Variants in FIBCD1 observed in about 807,000 individuals in gnomAD.
FIBCD1 encodes fibrinogen C domain containing 1.
Under a neutral mutation model 45.1 loss-of-function variants are expected in FIBCD1, and 47 were observed. The ratio of observed to expected loss-of-function variants is 1.04; its 90% CI spans 0.82 to 1.33. The LOEUF (loss-of-function observed/expected upper bound fraction) is 1.33. FIBCD1 is among the 40% of genes most tolerant of loss of function. FIBCD1 has a pLI of 0.00. For synonymous variants in FIBCD1, 313 were observed against 308.1 expected, an observed-to-expected ratio of 1.02 and a Z score of -0.17; for missense variants, 653 against 682.2, an observed-to-expected ratio of 0.96 and a Z score of 0.48.
At chr9:130,933,727 T>TGGGGGGGGGGGGGGGG (rs1179362614) in intron 1 of FIBCD1, 3 of 51,442 alleles carry the variant, frequency 5.8e-5, no homozygotes, top group South Asian at 9.3e-4. Context: ...GGCGGGCGGG[T>TGGGGGGGGGGGGGGGG]GGGGGGGGGG....
intron 4 of FIBCD1, among the ~76,000 whole-genome samples, chr9:130,915,396 C>T (rs1403375053): frequency 2.0e-5 from 3 of 152,194 alleles, no homozygotes; most frequent in African/African-American, 4.8e-5. Context: ...CCCGAATCAA[C>T]GCCCACTTAG....
chr9:130,939,918 C>T (rs1278356420), upstream of FIBCD1, among the ~76,000 whole-genome samples: 5 of 151,784 alleles, frequency 3.3e-5, no homozygotes, highest in Non-Finnish European at 7.4e-5. Flanking sequence ...GCTCCCCTCC[C>T]GCCGCCCCGC....
Position 130,903,893 on chromosome 9 carries a change from A to C in FIBCD1, c.*171T>G, listed in dbSNP as rs2133062218. On this transcript the variant is annotated 3_prime_UTR_variant, in exon 7 of 7. Transcript: ENST00000372338. ...AGGGGGTGGGGACGGCGAGAAGGCGATGTGTGACTTCACCGGCCCAGGGAG... is the reference window on the plus strand; with the variant it reads ...AGGGGGTGGGGACGGCGAGAAGGCGCTGTGTGACTTCACCGGCCCAGGGAG... 1 of 816,342 alleles carries C rather than the reference A, an allele frequency of 1.2e-6. No individual in the cohort carries two copies. The allele number at this position is 816,342 out of a possible 1,614,324, so 50.6% of individuals were successfully genotyped here. A position where few individuals can be genotyped will look rare whatever the true frequency, so the allele number is the denominator to read the frequency against.
chr9:130,910,219 C>T (rs977351758), intron 5 of FIBCD1, among the ~76,000 whole-genome samples: 1 of 138,836 alleles, frequency 7.2e-6, no homozygotes. Context: ...CTCAGAGCAG[C>T]CGACCAGCCC....
chr9:130,914,924 C>A (rs1179986250), intron 4 of FIBCD1, among the ~76,000 whole-genome samples: 2 of 152,240 alleles, frequency 1.3e-5, no homozygotes. Flanking sequence ...CAAACCCTTT[C>A]CCCGAGCCCA....
In FIBCD1 at chr9:130,906,390, G is replaced by A. The variant is rs1238038478; in HGVS notation, c.947-977C>T. On this transcript the variant is annotated intron_variant, in intron 5 of 6. Coordinates refer to ENST00000372338, the MANE Select transcript of FIBCD1 (RefSeq NM_032843.5). ...TCTCCCCGGCTCCGCACCTCCCGGG[G>A]TCAGTGTGTGCTGGCTGGAGGCTGT... is the stretch of plus-strand genomic sequence containing the variant. Among the ~76,000 whole-genome samples, 9 of 152,304 alleles carry A rather than the reference G, an allele frequency of 5.9e-5. No individual in the cohort carries two copies. The East Asian group carries it at 1.7e-3, about 29-fold the overall frequency.
intron 1 of FIBCD1, among the ~76,000 whole-genome samples, chr9:130,930,326 G>A (rs565667886): frequency 2.0e-5 from 3 of 151,802 alleles, no homozygotes; most frequent in Non-Finnish European, 2.9e-5. Context: ...AGGGAGAGAC[G>A]GGGAGACGCG....
chr9:130,905,092 T>G (rs1436035377), intron 6 of FIBCD1, 142 bp downstream of exon 6: 20 of 768,382 alleles, frequency 2.6e-5, no homozygotes, highest in Non-Finnish European at 3.3e-5. Flanking sequence ...TTTATCAATA[T>G]TTGTTATTTT....
rs1832366074 is a variant in FIBCD1, at chr9:130,926,596, G to GCAC, written c.553-2201_553-2200insGTG. 1.3e-5 allele frequency among the ~76,000 whole-genome samples: 2 copies of GCAC among 152,140 alleles called. No homozygotes were observed. Among genetic ancestry groups the GCAC allele is most frequent in the Non-Finnish European group, 2.9e-5 (2 of 68,038 alleles). ...GCACTTTGGGAGGCCAAGTTGGGTG[G>GCAC]ATCACCTAAGGTCAGGAGTTTGAGA... On this transcript the variant is annotated intron_variant, in intron 2 of 6. Transcript: ENST00000372338. The surrounding 1 kb of genome is among the most constrained non-coding windows in gnomAD (Gnocchi z 4.1).
rs1458904575 is a variant in FIBCD1, at chr9:130,911,875, C to T, written c.863G>A (p.Arg288Gln). The change falls in exon 5 of 7, where the codon CGG becomes CAG. Residue 288 changes from arginine to glutamine, a missense_variant. Physicochemically the swap from Arg to Gln is conservative, Grantham distance 43 (BLOSUM62 1). Transcript: ENST00000372338. ...GAAGAAGTTCACGGAGCCGTCCTCC[C>T]GGCGCTGAAACACCTGCAAAGGGAA... ...DGGGWTVFQR[R>Q]EDGSVNFFRG... 36 of 1,583,116 alleles carry T rather than the reference C, an allele frequency of 2.3e-5. No homozygotes were observed. Among genetic ancestry groups the T allele is most frequent in the South Asian group, 4.6e-5 (4 of 86,732 alleles).
rs140130452 is a variant in FIBCD1 at position 130,915,710 on chromosome 9, TAAAAA to T, written c.850-3827_850-3823del. ...AGAGCGAGACTCTGTCTCAAAAAAA[TAAAAA>T]AATAAACTGCAGCAACTGTCGGCCA... is the stretch of plus-strand genomic sequence containing the variant. On this transcript the variant is annotated intron_variant, in intron 4 of 6. Coordinates refer to ENST00000372338, the MANE Select transcript of FIBCD1 (RefSeq NM_032843.5). Among the ~76,000 whole-genome samples, 1,126 of 151,892 alleles carry T rather than the reference TAAAAA, an allele frequency of 7.4e-3. 12 individuals are homozygous for T. The highest frequency in any genetic ancestry group is 0.025 in the African/African-American group (1,046 of 41,444).
At chr9:130,937,761 G>A (rs978301681) in intron 1 of FIBCD1, among the ~76,000 whole-genome samples, 4 of 152,142 alleles carry the variant, frequency 2.6e-5, no homozygotes, top group African/African-American at 4.8e-5. Context: ...CCTTGGCTTC[G>A]GGACTCCAGC....
intron 1 of FIBCD1, among the ~76,000 whole-genome samples, chr9:130,937,760 C>T (rs1832540980): frequency 6.6e-6 from 1 of 152,194 alleles, no homozygotes; most frequent in Non-Finnish European, 1.5e-5. Context: ...GCCTTGGCTT[C>T]GGGACTCCAG....
At chr9:130,909,740 T>C (rs965730070) in intron 5 of FIBCD1, among the ~76,000 whole-genome samples, 45 of 150,622 alleles carry the variant, frequency 3.0e-4, no homozygotes, top group Non-Finnish European at 6.0e-4. Flanking sequence ...TTAGAATATT[T>C]TGTTTAGATA....
At chr9:130,923,618 C>G (rs903280032) in intron 4 of FIBCD1, 126 bp downstream of exon 4, 1 of 1,406,680 alleles carries the variant, frequency 7.1e-7, no homozygotes, top group South Asian at 1.4e-5. Context: ...GGCACCAGGG[C>G]AGGGCCAGTC....
Position 130,929,397 on chromosome 9 carries a change from G to C in FIBCD1, c.552+170C>G, listed in dbSNP as rs181927191. ...GCTGTGCGGCCCTGGATGAGTGACTGCGCCTCCCTGAGCTTCATGGGCTTG... is the reference window on the plus strand; with the variant it reads ...GCTGTGCGGCCCTGGATGAGTGACTCCGCCTCCCTGAGCTTCATGGGCTTG... On this transcript the variant is annotated intron_variant, in intron 2 of 6. Transcript: ENST00000372338. Among the ~76,000 whole-genome samples, 5 of 152,308 alleles carry C rather than the reference G, an allele frequency of 3.3e-5. No homozygotes were observed. In the East Asian group the frequency reaches 9.6e-4, roughly 29 times the overall value.
chr9:130,920,616 G>T (rs1438014922), intron 4 of FIBCD1, among the ~76,000 whole-genome samples: 1 of 152,076 alleles, frequency 6.6e-6, no homozygotes, highest in Non-Finnish European at 1.5e-5. Context: ...TCCTGACACG[G>T]AAGGGCAGGA....
At chr9:130,928,510 G>A (rs557852468) in intron 2 of FIBCD1, among the ~76,000 whole-genome samples, 9 of 152,362 alleles carry the variant, frequency 5.9e-5, no homozygotes, top group African/African-American at 1.9e-4. Flanking sequence ...CCCCGGGAGG[G>A]GGAAGCCACC....
chr9:130,927,039 A>C (rs1374977646), intron 2 of FIBCD1, among the ~76,000 whole-genome samples: 1 of 151,990 alleles, frequency 6.6e-6, no homozygotes, highest in Non-Finnish European at 1.5e-5. Flanking sequence ...GGAGTTTGAG[A>C]CCAGCCTGAG....
Sources: gnomAD v4.1 joint callset for allele counts (sites outside exome capture counted in the v4.1 genomes callset) on GRCh38, gnomAD v4.1.1 for gene constraint, Gnocchi (gnomAD v3.1) non-coding constraint, MANE v1.5 for transcripts, NCBI Gene and HGNC (gene_info 2026-07-23, HGNC 2026-07-21) for gene names.